DPT: variants seen among roughly 807,000 people sequenced by gnomAD.
DPT encodes the protein dermatopontin, also known as tyrosine-rich acidic matrix protein.
Under a neutral mutation model 31.2 loss-of-function variants are expected in DPT, and 21 were observed. That is an observed-to-expected ratio of 0.67 (90% CI 0.48 to 0.97). The LOEUF is 0.97. Among genes scored for constraint, DPT ranks in the 50% least tolerant of loss-of-function variants. The probability of loss-of-function intolerance (pLI) is 0.00; values close to 1 mark genes in which losing one functional copy is unlikely to be tolerated. For synonymous variants in DPT, 91 were observed against 86.9 expected (o/e 1.05, Z -0.26); for missense variants, 262 against 258.8 (o/e 1.01, Z -0.08).
Position 168,696,343 on chromosome 1 carries a change from T to C in DPT, c.*206A>G. 1.7e-6 allele frequency: 1 copy of C among 582,864 alleles called. No individual in the cohort carries two copies. The allele number at this position is 582,864 out of a possible 1,614,324, so 36.1% of individuals were successfully genotyped here. On this transcript the variant is annotated 3_prime_UTR_variant, in exon 4 of 4. Coordinates refer to ENST00000367817, the MANE Select transcript of DPT (RefSeq NM_001937.5). ...CAGTTGCTATGAAACATGTGAAAAGTGAGAAACATGGTTTAATTGTGGATT... is the reference window on the plus strand; with the variant it reads ...CAGTTGCTATGAAACATGTGAAAAGCGAGAAACATGGTTTAATTGTGGATT...
At chr1:168,699,733 A>G (rs1047621380) in intron 3 of DPT, among the ~76,000 whole-genome samples, 2 of 152,186 alleles carry the variant, frequency 1.3e-5, no homozygotes, top group East Asian at 3.9e-4. Flanking sequence ...TAATGAGTTA[A>G]TGTAAGTGTT....
intron 2 of DPT, among the ~76,000 whole-genome samples, chr1:168,709,492 T>C (rs1649800779): frequency 6.6e-6 from 1 of 152,188 alleles, no homozygotes; most frequent in African/African-American, 2.4e-5. Flanking sequence ...GGCTGTAATA[T>C]CCAAAGAGAA....
intron 3 of DPT, among the ~76,000 whole-genome samples, chr1:168,697,346 C>T (rs888037670): frequency 5.3e-5 from 8 of 152,210 alleles, no homozygotes; most frequent in African/African-American, 1.9e-4. Context: ...ATGCTGAGTG[C>T]TCACCATGCA....
At chr1:168,717,293 C>A (rs1650004882) in intron 1 of DPT, among the ~76,000 whole-genome samples, 1 of 152,178 alleles carries the variant, frequency 6.6e-6, no homozygotes, top group African/African-American at 2.4e-5. Flanking sequence ...ATTTGCATTT[C>A]TCTAATGATC....
intron 2 of DPT, among the ~76,000 whole-genome samples, chr1:168,712,775 A>G (rs1649896154): frequency 1.3e-5 from 2 of 152,180 alleles, no homozygotes; most frequent in Admixed American, 1.3e-4. Context: ...TTGGAATTTC[A>G]ACTTATGATC....
chr1:168,702,612 C>CTTTTTT (rs10656421), intron 2 of DPT, among the ~76,000 whole-genome samples: 62 of 132,400 alleles, frequency 4.7e-4, no homozygotes, highest in Middle Eastern at 4.1e-3. Flanking sequence ...AGGTAAATGT[C>CTTTTTT]TTTTTTTTTT....
At chr1:168,728,530 T>G (rs1275306291) in intron 1 of DPT, among the ~76,000 whole-genome samples, 1 of 152,234 alleles carries the variant, frequency 6.6e-6, no homozygotes, top group Non-Finnish European at 1.5e-5. Context: ...TTTATTACTT[T>G]CAGTTTCTGT....
intron 2 of DPT, among the ~76,000 whole-genome samples, chr1:168,706,997 G>A (rs643055): frequency 6.6e-6 from 1 of 152,074 alleles, no homozygotes; most frequent in Non-Finnish European, 1.5e-5. Context: ...TTTTCTACCA[G>A]ATGCCTACTG....
chr1:168,713,417 TG>T (rs563524424), intron 2 of DPT, among the ~76,000 whole-genome samples: 10 of 152,246 alleles, frequency 6.6e-5, no homozygotes, highest in Non-Finnish European at 1.5e-4. Context: ...CCTGTGAAGC[TG>T]TCCTTGCAAG....
chr1:168,703,054 A>T (rs1649639201), intron 2 of DPT, among the ~76,000 whole-genome samples: 1 of 152,228 alleles, frequency 6.6e-6, no homozygotes, highest in Admixed American at 6.5e-5. Context: ...TGCAAATTAG[A>T]ATAAGAGGTT....
intron 2 of DPT, among the ~76,000 whole-genome samples, chr1:168,710,999 C>T (rs905503600): frequency 3.4e-5 from 5 of 147,474 alleles, no homozygotes; most frequent in Non-Finnish European, 1.5e-5. Context: ...GACAACTTTG[C>T]TTTTTTTTTT....
At chr1:168,707,541 A>G (rs1490261389) in intron 2 of DPT, among the ~76,000 whole-genome samples, 1 of 152,170 alleles carries the variant, frequency 6.6e-6, no homozygotes, top group Non-Finnish European at 1.5e-5. Flanking sequence ...ATAAGGAGAG[A>G]GGTATCACCT....
intron 2 of DPT, among the ~76,000 whole-genome samples, chr1:168,706,279 T>C (rs1649714707): frequency 6.6e-6 from 1 of 152,186 alleles, no homozygotes; most frequent in Non-Finnish European, 1.5e-5. Flanking sequence ...ACGTTTTATA[T>C]ATTCAGCTAA....
At chr1:168,710,480 C>T (rs1259013347) in intron 2 of DPT, among the ~76,000 whole-genome samples, 1 of 152,102 alleles carries the variant, frequency 6.6e-6, no homozygotes, top group Non-Finnish European at 1.5e-5. Context: ...GGGGTGGGTT[C>T]AGAGTGGCAA....
Position 168,714,257 on chromosome 1 carries a change from CA to C in DPT, c.394del (p.Cys132ValfsTer14). The C allele has an allele frequency of 6.2e-7, 1 of 1,614,052 alleles. No homozygotes were observed. Among genetic ancestry groups the C allele is most frequent in the African/African-American group, 1.3e-5 (1 of 74,992 alleles). On this transcript the variant is annotated frameshift_variant, in exon 2 of 4. Coordinates refer to ENST00000367817, the MANE Select transcript of DPT (RefSeq NM_001937.5). LOFTEE classifies it high-confidence loss of function. Reference protein sequence around the residue: ...SVLDREWQFYCCRYSKRCPYS... With the variant: ...SVLDREWQFYXCRYSKRCPYS... ...TGGGCACCTCTTGCTGTAGCGACAACAGTAAAACTGCCACTCCCGATCCAGC... is the reference window on the plus strand; with the variant it reads ...TGGGCACCTCTTGCTGTAGCGACAACGTAAAACTGCCACTCCCGATCCAGC...
intron 2 of DPT, among the ~76,000 whole-genome samples, chr1:168,711,079 C>T (rs1649847141): frequency 6.6e-6 from 1 of 151,000 alleles, no homozygotes; most frequent in African/African-American, 2.4e-5. Flanking sequence ...GGCGTGATCT[C>T]GGCTCACTGC....
At chr1:168,722,561 G>T (rs1413709013) in intron 1 of DPT, among the ~76,000 whole-genome samples, 1 of 152,138 alleles carries the variant, frequency 6.6e-6, no homozygotes, top group Non-Finnish European at 1.5e-5. Context: ...TATAAAATGG[G>T]TTCAAATAAT....
At chr1:168,712,788 G>C (rs937601006) in intron 2 of DPT, among the ~76,000 whole-genome samples, 4 of 152,196 alleles carry the variant, frequency 2.6e-5, no homozygotes, top group Non-Finnish European at 5.9e-5. Flanking sequence ...TTATGATCCA[G>C]GGGTTCTTGG....
intron 1 of DPT, among the ~76,000 whole-genome samples, chr1:168,715,821 G>A (rs1279094854): frequency 6.6e-6 from 1 of 152,180 alleles, no homozygotes; most frequent in Non-Finnish European, 1.5e-5. Flanking sequence ...TAGTTCTTCA[G>A]TTACCTCTCC....
Sources: gnomAD v4.1 joint callset for allele counts (sites outside exome capture counted in the v4.1 genomes callset) on GRCh38, gnomAD v4.1.1 for gene constraint, MANE v1.5 for transcripts, NCBI Gene and HGNC (gene_info 2026-07-23, HGNC 2026-07-21) for gene names.